Variants in ZNF804A observed in about 807,000 individuals in gnomAD.
ZNF804A encodes the protein zinc finger protein 804A.
A neutral mutation model predicts 16.5 loss-of-function variants in ZNF804A; 2 were observed. That is an observed-to-expected ratio of 0.12 (90% confidence interval 0.05 to 0.38). The LOEUF is 0.38. Among genes scored for constraint, ZNF804A ranks in the 10% least tolerant of loss-of-function variants. The pLI, the probability that ZNF804A is intolerant of heterozygous loss-of-function variation, is 0.99. For synonymous variants in ZNF804A, 534 were observed against 489.6 expected (o/e 1.09, Z -1.20); for missense variants, 1,473 against 1,390.7 (o/e 1.06, Z -0.94).
chr2:184,830,624 G>T lies in ZNF804A; in HGVS notation c.112-35745G>T, dbSNP rs554121403. 5.3e-5 allele frequency among the ~76,000 whole-genome samples: 8 copies of T among 152,238 alleles called. No homozygotes were observed. In the South Asian group the frequency reaches 1.4e-3, roughly 28 times the overall value. ...TATCTGTATTTTAGTAAGCAGACAA[G>T]TAACTCTGATCCTTTTGTCAGTTCA... is the stretch of plus-strand genomic sequence containing the variant. On this transcript the variant is annotated intron_variant, in intron 1 of 3. Transcript: ENST00000302277.
At position 184,670,692 on chromosome 2, in the gene ZNF804A, T is replaced by G. The variant is rs573761289; in HGVS notation, c.111+71622T>G. 1.4e-3 allele frequency among the ~76,000 whole-genome samples: 216 copies of G among 152,276 alleles called. 1 individual carries two copies. The highest frequency in any genetic ancestry group is 4.7e-3 in the African/African-American group (195 of 41,580). The stretch of plus-strand genomic sequence containing the variant: ...GGATGTTATATTTTTCTTTATCTCT[T>G]TGTGGACTCTAAATTTACTTATTTT... On this transcript the variant is annotated intron_variant, in intron 1 of 3. Coordinates refer to ENST00000302277, the MANE Select transcript of ZNF804A (RefSeq NM_194250.2).
intron 1 of ZNF804A, among the ~76,000 whole-genome samples, chr2:184,764,378 G>T (rs140069526): frequency 1.3e-5 from 2 of 152,118 alleles, no homozygotes; most frequent in Non-Finnish European, 2.9e-5. Flanking sequence ...AACCAAACAC[G>T]TTTCAGTATT....
chr2:184,766,207 G>T (rs569313300), intron 1 of ZNF804A, among the ~76,000 whole-genome samples: 1 of 151,890 alleles, frequency 6.6e-6, no homozygotes, highest in African/African-American at 2.4e-5. Flanking sequence ...TTAATTCATT[G>T]CTAAATTATT....
intron 1 of ZNF804A, among the ~76,000 whole-genome samples, chr2:184,623,951 T>G (rs1691456358): frequency 1.3e-5 from 2 of 152,182 alleles, no homozygotes; most frequent in African/African-American, 4.8e-5. Flanking sequence ...TCAAGATACT[T>G]CTGGAATAAT....
intron 1 of ZNF804A, among the ~76,000 whole-genome samples, chr2:184,602,608 A>G (rs1691067671): frequency 6.6e-6 from 1 of 152,048 alleles, no homozygotes; most frequent in South Asian, 2.1e-4. Flanking sequence ...CATATTTAAC[A>G]TGGAATTTAA....
At chr2:184,756,563 A>G (rs978724654) in intron 1 of ZNF804A, among the ~76,000 whole-genome samples, 1 of 152,040 alleles carries the variant, frequency 6.6e-6, no homozygotes, top group Non-Finnish European at 1.5e-5. Flanking sequence ...AGGAAACTCA[A>G]TGATTCAAAG....
chr2:184,856,026 G>T lies in ZNF804A; in HGVS notation c.112-10343G>T, dbSNP rs111511067. 6.5e-3 allele frequency among the ~76,000 whole-genome samples: 985 copies of T among 152,062 alleles called. 15 individuals carry two copies. Among genetic ancestry groups the T allele is most frequent in the African/African-American group, 0.022 (912 of 41,502 alleles). On this transcript the variant is annotated intron_variant, in intron 1 of 3. Transcript: ENST00000302277. ...TGATAAATGGAGAAATAGCCAAAAC[G>T]ATTCTGAAGCAAGGTGATAATAATA... is the stretch of plus-strand genomic sequence containing the variant.
intron 1 of ZNF804A, among the ~76,000 whole-genome samples, chr2:184,771,997 T>C (rs930560470): frequency 3.3e-4 from 50 of 152,052 alleles, no homozygotes; most frequent in African/African-American, 1.1e-3. Context: ...TAGGGAATGG[T>C]GTTCACACCA....
At chr2:184,658,845 A>G (rs1386522338) in intron 1 of ZNF804A, among the ~76,000 whole-genome samples, 3 of 152,218 alleles carry the variant, frequency 2.0e-5, no homozygotes, top group Non-Finnish European at 4.4e-5. Context: ...GGCAAAACAA[A>G]CTTACCTGAA....
intron 1 of ZNF804A, among the ~76,000 whole-genome samples, chr2:184,773,188 A>G (rs950150002): frequency 6.6e-6 from 1 of 151,648 alleles, no homozygotes; most frequent in Non-Finnish European, 1.5e-5. Context: ...TTTAAAAAAA[A>G]CAGAGAAATA....
At chr2:184,764,395 T>C (rs765741478) in intron 1 of ZNF804A, among the ~76,000 whole-genome samples, 7 of 152,224 alleles carry the variant, frequency 4.6e-5, no homozygotes, top group Non-Finnish European at 1.0e-4. Context: ...TATTTTGTAT[T>C]TCATTCCTCA....
chr2:184,878,470 T>C (rs1316278116), intron 2 of ZNF804A, among the ~76,000 whole-genome samples: 1 of 152,032 alleles, frequency 6.6e-6, no homozygotes, highest in African/African-American at 2.4e-5. Flanking sequence ...GTATTTTATA[T>C]AGAAAGCGTA....
At chr2:184,925,470 C>T (rs1370644417) in intron 2 of ZNF804A, among the ~76,000 whole-genome samples, 3 of 151,358 alleles carry the variant, frequency 2.0e-5, no homozygotes, top group Admixed American at 6.6e-5. Flanking sequence ...TATTGGATCT[C>T]GGGTTTTTTT....
At chr2:184,878,636 A>G (rs986229987) in intron 2 of ZNF804A, among the ~76,000 whole-genome samples, 1 of 152,084 alleles carries the variant, frequency 6.6e-6, no homozygotes, top group African/African-American at 2.4e-5. Flanking sequence ...TGTATTTAAA[A>G]TATGTTGGAA....
rs570393972 is a variant in ZNF804A, at chr2:184,866,396, G to A, written c.139G>A (p.Ala47Thr). 3 of 1,613,102 alleles carry A rather than the reference G, an allele frequency of 1.9e-6. No homozygotes were observed. Among genetic ancestry groups the A allele is most frequent in the East Asian group, 4.5e-5 (2 of 44,656 alleles). Residue 47 changes from alanine to threonine, a missense_variant, in exon 2 of 4, where the codon GCA becomes ACA. Ala to Thr is a moderately conservative substitution (Grantham distance 58). Transcript: ENST00000302277. Reference protein sequence around the residue: ...LDYAEKENTIAKALEDLKANF... With the variant: ...LDYAEKENTITKALEDLKANF... ...CTATGCTGAGAAGGAAAATACCATA[G>A]CAAAAGCTCTGGAAGATCTGAAGGC... is the stretch of plus-strand genomic sequence containing the variant.
At chr2:184,684,750 T>G (rs1049392356) in intron 1 of ZNF804A, among the ~76,000 whole-genome samples, 3 of 152,160 alleles carry the variant, frequency 2.0e-5, no homozygotes, top group Non-Finnish European at 2.9e-5. Context: ...TGTCTATTGT[T>G]CCCATGCTTC....
intron 1 of ZNF804A, among the ~76,000 whole-genome samples, chr2:184,661,950 G>A (rs1358481042): frequency 6.6e-6 from 1 of 152,142 alleles, no homozygotes; most frequent in Non-Finnish European, 1.5e-5. Context: ...AAATAAGCCT[G>A]CTGGATTTTC....
intron 1 of ZNF804A, among the ~76,000 whole-genome samples, chr2:184,806,887 T>A (rs893441802): frequency 1.3e-5 from 2 of 151,822 alleles, no homozygotes; most frequent in Non-Finnish European, 3.0e-5. Flanking sequence ...ATATTAAGTA[T>A]ATTAAAGTCT....
intron 2 of ZNF804A, among the ~76,000 whole-genome samples, chr2:184,924,760 G>T (rs1481513875): frequency 1.3e-5 from 2 of 151,726 alleles, no homozygotes; most frequent in African/African-American, 4.8e-5. Flanking sequence ...TTTGATTAAA[G>T]AAGTGTTTCA....
Sources: gnomAD v4.1 joint callset for allele counts (sites outside exome capture counted in the v4.1 genomes callset) on GRCh38, gnomAD v4.1.1 for gene constraint, MANE v1.5 for transcripts, NCBI Gene and HGNC (gene_info 2026-07-23, HGNC 2026-07-21) for gene names.